FRAS1: variants seen among roughly 807,000 people sequenced by gnomAD.
FRAS1 encodes the protein Fraser extracellular matrix complex subunit 1, also known as extracellular matrix organizing protein FRAS1.
A neutral mutation model predicts 435.2 loss-of-function variants in FRAS1; 290 were observed. The ratio of observed to expected loss-of-function variants is 0.67; its 90% CI spans 0.61 to 0.73. The LOEUF (loss-of-function observed/expected upper bound fraction) is 0.73. Ranked by LOEUF, FRAS1 falls within the 30% of genes least tolerant of loss-of-function variation. The probability of loss-of-function intolerance (pLI) is 0.00; values close to 1 mark genes in which losing one functional copy is unlikely to be tolerated. For missense variants in FRAS1, 4,860 were observed against 5,001.5 expected (o/e 0.97, Z 0.85); for synonymous variants, 1,800 against 1,851.0 (o/e 0.97, Z 0.71).
At chr4:78,095,182 G>A (rs191961278) in intron 2 of FRAS1, among the ~76,000 whole-genome samples, 97 of 152,306 alleles carry the variant, frequency 6.4e-4, no homozygotes, top group African/African-American at 2.2e-3. Context: ...ACTTTTCCAA[G>A]GGAAGAAATT....
rs751542057 is a variant in FRAS1, at chr4:78,286,545, C to G, written c.1534+6C>G. 2 of 1,610,668 alleles carry G rather than the reference C, an allele frequency of 1.2e-6. No individual in the cohort carries two copies. On this transcript the variant is annotated splice_donor_region_variant and intron_variant, in intron 14 of 73. Coordinates refer to ENST00000512123, the MANE Select transcript of FRAS1 (RefSeq NM_025074.7). ...AGATCGCCATTCCTGTGCAGGTAAT[C>G]TCTGGCTGGGCCACAGTTGGGCCAG...
chr4:78,484,835 A>G (rs1402910684), intron 58 of FRAS1, among the ~76,000 whole-genome samples: 2 of 152,222 alleles, frequency 1.3e-5, no homozygotes, highest in African/African-American at 4.8e-5. Context: ...ACCAGCATGC[A>G]TTCTAGGACT....
At chr4:78,356,189 C>T (rs1189702711) in intron 20 of FRAS1, among the ~76,000 whole-genome samples, 3 of 152,042 alleles carry the variant, frequency 2.0e-5, no homozygotes, top group Non-Finnish European at 4.4e-5. Context: ...TTGTAACTGA[C>T]GAGACAGTTG....
At chr4:78,200,902 C>CGT (rs1491464843) in intron 2 of FRAS1, among the ~76,000 whole-genome samples, 1 of 91,058 alleles carries the variant, frequency 1.1e-5, no homozygotes, top group African/African-American at 3.3e-5. Flanking sequence ...TATATAAATA[C>CGT]GTATATATAT....
In FRAS1 at chr4:78,387,391, G is replaced by T. The variant is rs747562608; in HGVS notation, c.3665G>T (p.Arg1222Ile). The change falls in exon 29 of 74, where the codon AGA (arginine) becomes ATA (isoleucine). Residue 1222 changes from arginine (R) to isoleucine (I), a missense_variant. Coordinates refer to ENST00000512123, the MANE Select transcript of FRAS1 (RefSeq NM_025074.7). ...ACTCCACAGGCCCCCTATGTGCTGA[G>T]AAATGAAGTTCTCCACATTAGCAGA... ...AFSTQAPYVL[R>I]NEVLHISRGE... The T allele has an allele frequency of 5.0e-6, 8 of 1,609,706 alleles. No homozygotes were observed. Among genetic ancestry groups the T allele is most frequent in the Non-Finnish European group, 6.8e-6 (8 of 1,177,434 alleles).
intron 2 of FRAS1, among the ~76,000 whole-genome samples, chr4:78,165,351 T>A (rs1047905463): frequency 6.6e-6 from 1 of 152,220 alleles, no homozygotes; most frequent in Non-Finnish European, 1.5e-5. Flanking sequence ...GTGTTTGTGT[T>A]GACTTGAAAA....
intron 19 of FRAS1, among the ~76,000 whole-genome samples, chr4:78,334,363 C>CTT (rs1007481617): frequency 0.023 from 2,157 of 92,360 alleles, 419 homozygotes; most frequent in African/African-American, 0.08. Flanking sequence ...AACCAATTTT[C>CTT]TTTTTTTTTT....
At chr4:78,400,700 T>G in intron 29 of FRAS1, 34 bp from the exon 30 acceptor site, 1 of 1,599,916 alleles carries the variant, frequency 6.3e-7, no homozygotes, top group Non-Finnish European at 8.5e-7. Flanking sequence ...CTTACTTTGC[T>G]TGGAACTAAT....
chr4:78,475,807 C>T (rs906973051), intron 54 of FRAS1, among the ~76,000 whole-genome samples: 1 of 152,148 alleles, frequency 6.6e-6, no homozygotes, highest in Non-Finnish European at 1.5e-5. Context: ...TTTTAACTGC[C>T]AAAGGGGAAG....
chr4:78,272,191 T>A (rs201909191), intron 9 of FRAS1, among the ~76,000 whole-genome samples: 46,184 of 151,946 alleles, frequency 0.3, 7,349 homozygotes, highest in East Asian at 0.38. Flanking sequence ...GTTTGAGTTC[T>A]ATGTAGATTC....
At chr4:78,071,800 G>C (rs1380986618) in intron 2 of FRAS1, 1 of 151,956 alleles carries the variant, frequency 6.6e-6, no homozygotes, top group Non-Finnish European at 1.5e-5. Context: ...CAACATTAGA[G>C]TTTTAAAATT....
intron 59 of FRAS1, among the ~76,000 whole-genome samples, chr4:78,492,569 G>A (rs533388042): frequency 6.6e-6 from 1 of 152,248 alleles, no homozygotes; most frequent in East Asian, 1.9e-4. Flanking sequence ...TTAATAAATG[G>A]TGTTGGGAAA....
intron 27 of FRAS1, among the ~76,000 whole-genome samples, chr4:78,382,543 T>G (rs1276903361): frequency 6.6e-6 from 1 of 152,110 alleles, no homozygotes. Flanking sequence ...TTACATTCTC[T>G]TGAAGCCTGA....
At chr4:78,153,145 T>C (rs898629148) in intron 2 of FRAS1, among the ~76,000 whole-genome samples, 8 of 152,140 alleles carry the variant, frequency 5.3e-5, no homozygotes, top group Non-Finnish European at 7.3e-5. Flanking sequence ...ATCTTATCCC[T>C]AGAGGATTTT....
rs369529123 is a variant in FRAS1 at position 78,499,833 on chromosome 4, C to G, written c.9228C>G (p.Thr3076=). The G allele has an allele frequency of 6.2e-7, 1 of 1,613,580 alleles. No homozygotes were observed. Among genetic ancestry groups the G allele is most frequent in the Admixed American group, 1.7e-5 (1 of 59,998 alleles). ...TCCGCAGAGGGGATCAGAACAGGAC[C>G]TCCAAGGTTCGCTGCAGCACGCGGG... ...KVIRRGDQNR[T]SKVRCSTRDG... The change falls in exon 61 of 74, where the codon ACC becomes ACG. Residue 3076 remains threonine, a synonymous_variant. Transcript: ENST00000512123.
chr4:78,296,700 C>T (rs115732889), intron 14 of FRAS1, among the ~76,000 whole-genome samples: 1,627 of 152,276 alleles, frequency 0.011, 21 homozygotes, highest in South Asian at 0.04. Context: ...GGCTGTAATT[C>T]TTCCCTTCCC....
At chr4:78,136,283 A>G (rs779279861) in intron 2 of FRAS1, among the ~76,000 whole-genome samples, 43 of 152,342 alleles carry the variant, frequency 2.8e-4, no homozygotes, top group Admixed American at 1.3e-4. Flanking sequence ...CTGAAACAGG[A>G]GAACAGAGTG....
rs527236969 is a variant in FRAS1, at chr4:78,356,384, G to A, written c.2423-7129G>A. 2.0e-5 allele frequency among the ~76,000 whole-genome samples: 3 copies of A among 152,100 alleles called. No homozygotes were observed. In the East Asian group the frequency reaches 5.8e-4, roughly 29 times the overall value. ...ACAACTGTGTGGGAGCTACCTACTC[G>A]GTACCACTGATTTGGCCAAATTCCA... On this transcript the variant is annotated intron_variant, in intron 20 of 73. Coordinates refer to ENST00000512123, the MANE Select transcript of FRAS1 (RefSeq NM_025074.7).
At chr4:78,463,571 G>C (rs1343457264) in intron 47 of FRAS1, among the ~76,000 whole-genome samples, 3 of 152,212 alleles carry the variant, frequency 2.0e-5, no homozygotes, top group African/African-American at 7.2e-5. Flanking sequence ...ACAAGGCTGT[G>C]TGTAGCCAAG....
Sources: allele counts gnomAD v4.1 joint callset (sites outside exome capture counted in the v4.1 genomes callset), GRCh38; gene constraint gnomAD v4.1.1; transcripts MANE v1.5; gene names NCBI Gene and HGNC (gene_info 2026-07-23, HGNC 2026-07-21).